The following MYH6 variants were observed in gnomAD, a reference collection of about 807,000 sequenced individuals.
MYH6 encodes myosin-6.
In MYH6, 126 loss-of-function variants were observed where a neutral mutation model predicts 223.2. That is an observed-to-expected ratio of 0.56 (90% CI 0.49 to 0.65). MYH6 has a LOEUF of 0.65. Among genes scored for constraint, MYH6 ranks in the 30% least tolerant of loss-of-function variants. MYH6 has a pLI of 0.00. For synonymous variants in MYH6, 978 were observed against 1,010.2 expected, an observed-to-expected ratio of 0.97 and a Z score of 0.61; for missense variants, 2,040 against 2,536.4, an observed-to-expected ratio of 0.80 and a Z score of 4.20.
At chr14:23,394,677 A>G (rs1280741236) in intron 20 of MYH6, among the ~76,000 whole-genome samples, 1 of 152,188 alleles carries the variant, frequency 6.6e-6, no homozygotes, top group East Asian at 1.9e-4. Flanking sequence ...GCATGAAAGC[A>G]AAATGACTAT....
chr14:23,397,934 CTT>C (rs1566512291), intron 15 of MYH6, among the ~76,000 whole-genome samples: 2,950 of 54,672 alleles, frequency 0.054, 259 homozygotes, highest in African/African-American at 0.13. Flanking sequence ...TCCTCCTCCT[CTT>C]CTTCTTCTTC....
At chr14:23,397,949 C>CTTCTTCTTCTTCTTCTAT (rs1566512403) in intron 15 of MYH6, among the ~76,000 whole-genome samples, 32 of 78,958 alleles carry the variant, frequency 4.1e-4, no homozygotes, top group Non-Finnish European at 5.5e-4. Context: ...TCTTCTTCTT[C>CTTCTTCTTCTTCTTCTAT]TTCTTCTTCT....
At chr14:23,390,641 G>A (rs1183562417) in intron 25 of MYH6, among the ~76,000 whole-genome samples, 195 bp from the exon 26 acceptor site, 1 of 152,084 alleles carries the variant, frequency 6.6e-6, no homozygotes, top group Non-Finnish European at 1.5e-5. Flanking sequence ...GCATCTAGAG[G>A]GTAGGGGCCA....
chr14:23,389,641 A>C lies in MYH6; in HGVS notation c.3811T>G (p.Ser1271Ala). Residue 1271 changes from serine (S) to alanine (A), a missense_variant, in exon 27 of 39, where the codon TCC becomes GCC. This residue lies in a region of MYH6 where 1,203 missense variants were observed against 1,400.2 expected (regional missense o/e 0.86). Transcript: ENST00000405093. ...YRVKLEEAQR[S>A]LNDFTTQRAK... The stretch of plus-strand genomic sequence containing the variant: ...CGCTGGGTGGTGAAATCATTGAGGG[A>C]GCGTTGGGCCTCTTCTAGCTTCACG... 1.2e-6 allele frequency: 2 copies of C among 1,613,938 alleles called. No individual in the cohort carries two copies. The highest frequency in any genetic ancestry group is 2.2e-5 in the South Asian group (2 of 91,070).
rs773755388 is a variant in MYH6, at chr14:23,386,065, C to T, written c.5026G>A (p.Val1676Met). Residue 1676 changes from valine (V) to methionine (M), a missense_variant, in exon 34 of 39, where the codon GTG (valine) becomes ATG (methionine). Transcript: ENST00000405093. ...TGCAGCAGGTTGTTGCGCCGCTCCA[C>T]GATGGCGATGTTCTCCTTCAGGTCG... ...NDDLKENIAIVERRNNLLQAE... is the reference protein window; with the variant it reads ...NDDLKENIAIMERRNNLLQAE... The T allele has an allele frequency of 4.0e-5, 65 of 1,614,118 alleles. No individual in the cohort carries two copies. Among genetic ancestry groups the T allele is most frequent in the African/African-American group, 1.7e-4 (13 of 74,934 alleles).
chr14:23,384,381 G>A (rs1595047403), intron 36 of MYH6, 61 bp downstream of exon 36: 1 of 1,601,082 alleles, frequency 6.2e-7, no homozygotes, highest in Non-Finnish European at 8.5e-7. Context: ...TGTGAGGGCG[G>A]GGCAGTGGGG....
In MYH6 at chr14:23,386,074, T is replaced by G; in HGVS notation, c.5017A>C (p.Ile1673Leu). The change falls in exon 34 of 39, where the codon ATC becomes CTC. Residue 1673 changes from isoleucine to leucine, a missense_variant. Physicochemically the swap from Ile to Leu is conservative, Grantham distance 5. Transcript: ENST00000405093. ...TTGTTGCGCCGCTCCACGATGGCGA[T>G]GTTCTCCTTCAGGTCGTCGTTGGCA... The part of the protein sequence containing the change: ...VRANDDLKEN[I>L]AIVERRNNLL... The G allele has an allele frequency of 6.2e-7, 1 of 1,614,204 alleles. No individual in the cohort carries two copies. The highest frequency in any genetic ancestry group is 8.5e-7 in the Non-Finnish European group (1 of 1,180,018).
At chr14:23,398,607 G>A (rs1347130396) in intron 15 of MYH6, 121 bp downstream of exon 15, 18 of 1,144,142 alleles carry the variant, frequency 1.6e-5, no homozygotes, top group Non-Finnish European at 2.1e-5. Context: ...GAGCCAGGAG[G>A]TGGCTTGACT....
chr14:23,389,072 G>GCGCC lies in MYH6; in HGVS notation c.3979-18_3979-17insGGCG. 4 of 1,135,178 alleles carry GCGCC rather than the reference G, an allele frequency of 3.5e-6. No homozygotes were observed. Among genetic ancestry groups the GCGCC allele is most frequent in the Non-Finnish European group, 5.2e-6 (4 of 774,156 alleles). The allele number at this position is 1,135,178 out of a possible 1,614,324, so 70.3% of individuals were successfully genotyped here. A position where few individuals can be genotyped will look rare whatever the true frequency, so the allele number is the denominator to read the frequency against. ...GTTCTTCGCCTGGGGAGGGGGGGGG[G>GCGCC]CACCAGGAGGTGGGAGGGACTCCCT... On this transcript the variant is annotated splice_polypyrimidine_tract_variant and intron_variant, in intron 28 of 38. Coordinates refer to ENST00000405093, the MANE Select transcript of MYH6 (RefSeq NM_002471.4).
At chr14:23,404,540 C>T in intron 7 of MYH6, 152 bp from the exon 8 acceptor site, 2 of 1,124,386 alleles carry the variant, frequency 1.8e-6, no homozygotes, top group Non-Finnish European at 2.7e-6. Flanking sequence ...CCTACCCAGA[C>T]CTCAGGGTGA....
chr14:23,388,693 G>T (rs1429566807), intron 29 of MYH6, 166 bp downstream of exon 29: 2 of 1,166,822 alleles, frequency 1.7e-6, no homozygotes, highest in African/African-American at 1.5e-5. Flanking sequence ...GCCAGCCAGA[G>T]TTCACAGAGC....
chr14:23,386,646 C>T (rs764220809), intron 32 of MYH6, 23 bp from the exon 33 acceptor site: 23 of 834,594 alleles, frequency 2.8e-5, no homozygotes, highest in African/African-American at 7.0e-5. Flanking sequence ...GGGGCGAGGG[C>T]GGGCAGACAG....
At chr14:23,390,914 T>C (rs190318355) in intron 25 of MYH6, among the ~76,000 whole-genome samples, 1 of 152,320 alleles carries the variant, frequency 6.6e-6, no homozygotes, top group African/African-American at 2.4e-5. Context: ...AACAATCAGA[T>C]ACCTTTGCAA....
At chr14:23,392,832 A>T in intron 24 of MYH6, 80 bp downstream of exon 24, 1 of 1,588,724 alleles carries the variant, frequency 6.3e-7, no homozygotes, top group South Asian at 1.1e-5. Context: ...AACTGTGGCC[A>T]GTGGAGGCGC....
chr14:23,388,466 AGCCTGCTCATGCCT>A, intron 29 of MYH6, 128 bp from the exon 30 acceptor site: 1 of 1,428,984 alleles, frequency 7.0e-7, no homozygotes, highest in Non-Finnish European at 9.8e-7. Flanking sequence ...GCAGGAGCTG[AGCCTGCTCATGCCT>A]GGAACAGAGT....
chr14:23,404,627 T>A lies in MYH6; in HGVS notation c.642+84A>T, dbSNP rs28730778. On this transcript the variant is annotated intron_variant, in intron 7 of 38. Coordinates refer to ENST00000405093, the MANE Select transcript of MYH6 (RefSeq NM_002471.4). ...GCTCAGTGTGGCTGTCCCCACCACG[T>A]CACAGGGAGGGGAGGGTTAGGGGTA... 6,743 of 1,362,948 alleles carry A rather than the reference T, an allele frequency of 4.9e-3. 23 individuals are homozygous for A. The highest frequency in any genetic ancestry group is 6.1e-3 in the Non-Finnish European group (5,869 of 960,138). 84.4% of individuals were successfully genotyped at this position (1,362,948 alleles called of 1,614,324 possible).
chr14:23,395,688 G>A (rs1404008489), intron 20 of MYH6, among the ~76,000 whole-genome samples: 3 of 152,052 alleles, frequency 2.0e-5, no homozygotes, highest in African/African-American at 7.2e-5. Context: ...CACCACACCC[G>A]GCTAATTTTT....
At chr14:23,387,964 A>G (rs1324459657) in intron 30 of MYH6, 41 bp from the exon 31 acceptor site, 2 of 1,610,604 alleles carry the variant, frequency 1.2e-6, no homozygotes, top group East Asian at 4.5e-5. Flanking sequence ...CCCCAGCCTT[A>G]GCTCCCCAGC....
intron 7 of MYH6, 40 bp downstream of exon 7, chr14:23,404,671 C>G (rs375897595): frequency 1.3e-6 from 2 of 1,590,284 alleles, no homozygotes; most frequent in Non-Finnish European, 1.7e-6. Flanking sequence ...CAGCCTGCCC[C>G]CCAACCCCTG....
Sources: allele counts gnomAD v4.1 joint callset (sites outside exome capture counted in the v4.1 genomes callset), GRCh38; gene constraint gnomAD v4.1.1; regional missense constraint gnomAD v4.1.1; transcripts MANE v1.5; gene names NCBI Gene and HGNC (gene_info 2026-07-23, HGNC 2026-07-21).